Variants in DPYSL3 observed in about 807,000 individuals in gnomAD.
DPYSL3 encodes dihydropyrimidinase-related protein 3.
DPYSL3 carries 16 observed loss-of-function variants against 66.1 expected under a neutral mutation model. The observed-to-expected ratio is 0.24, with a 90% CI of 0.16 to 0.37. The LOEUF (loss-of-function observed/expected upper bound fraction) is 0.37. Among genes scored for constraint, DPYSL3 ranks in the 10% least tolerant of loss-of-function variants. The probability of loss-of-function intolerance (pLI) is 1.00; values close to 1 mark genes in which losing one functional copy is unlikely to be tolerated. For missense variants in DPYSL3, 738 were observed against 916.2 expected (o/e 0.81, Z 2.51); for synonymous variants, 338 against 345.1 (o/e 0.98, Z 0.23).
intron 2 of DPYSL3, among the ~76,000 whole-genome samples, chr5:147,418,898 G>C (rs572699187): frequency 2.2e-3 from 330 of 152,278 alleles, no homozygotes; most frequent in Non-Finnish European, 3.8e-3. Flanking sequence ...GGGTCTGATA[G>C]TGTCTAGAAT....
At chr5:147,500,026 A>G (rs1581220192) in intron 1 of DPYSL3, among the ~76,000 whole-genome samples, 2 of 152,358 alleles carry the variant, frequency 1.3e-5, no homozygotes, top group South Asian at 4.1e-4. Context: ...TGCCATTCAC[A>G]AAAAATAACT....
intron 1 of DPYSL3, among the ~76,000 whole-genome samples, chr5:147,497,630 G>C (rs1050358363): frequency 6.6e-6 from 1 of 151,594 alleles, no homozygotes; most frequent in African/African-American, 2.4e-5. Flanking sequence ...ATCCAAACAG[G>C]CTAAAGAAGA....
At chr5:147,454,863 T>G (rs1412150490) in intron 1 of DPYSL3, among the ~76,000 whole-genome samples, 9 of 152,144 alleles carry the variant, frequency 5.9e-5, no homozygotes, top group African/African-American at 2.2e-4. Flanking sequence ...CCACTGTGGG[T>G]GGGGTCTGAG....
intron 9 of DPYSL3, 106 bp from the exon 10 acceptor site, chr5:147,400,939 G>T: frequency 7.1e-7 from 1 of 1,411,352 alleles, no homozygotes; most frequent in Non-Finnish European, 9.4e-7. Flanking sequence ...GACTATTTGG[G>T]TTTGGAATGC....
chr5:147,428,948 T>A (rs1487599612), intron 1 of DPYSL3, among the ~76,000 whole-genome samples: 2 of 152,202 alleles, frequency 1.3e-5, no homozygotes, highest in East Asian at 3.9e-4. Flanking sequence ...CGTACATGTA[T>A]CCCAGAACTT....
intron 1 of DPYSL3, among the ~76,000 whole-genome samples, chr5:147,455,235 A>C (rs1752825829): frequency 6.6e-6 from 1 of 152,172 alleles, no homozygotes; most frequent in Non-Finnish European, 1.5e-5. Context: ...TAAACCCGAA[A>C]CGAACCAGAC....
chr5:147,415,896 G>A, intron 3 of DPYSL3, 23 bp from the exon 4 acceptor site: 1 of 1,610,956 alleles, frequency 6.2e-7, no homozygotes, highest in Non-Finnish European at 8.5e-7. Context: ...GACCCCAGAT[G>A]AGTCACTCTC....
chr5:147,438,497 G>A (rs1434523785), intron 1 of DPYSL3, among the ~76,000 whole-genome samples: 1 of 152,132 alleles, frequency 6.6e-6, no homozygotes, highest in South Asian at 2.1e-4. Flanking sequence ...GGCACCTCCT[G>A]GAATGTATTC....
chr5:147,450,048 G>A (rs960532607), intron 1 of DPYSL3, among the ~76,000 whole-genome samples: 1 of 152,196 alleles, frequency 6.6e-6, no homozygotes, highest in Non-Finnish European at 1.5e-5. Flanking sequence ...CAATGGTAGA[G>A]AGGCAGAGGC....
intron 1 of DPYSL3, among the ~76,000 whole-genome samples, chr5:147,495,558 T>C (rs1435431529): frequency 6.6e-6 from 1 of 152,134 alleles, no homozygotes; most frequent in East Asian, 1.9e-4. Context: ...AGTCTCAGGA[T>C]ACAAAATCAA....
intron 1 of DPYSL3, among the ~76,000 whole-genome samples, chr5:147,461,981 C>T (rs1029888128): frequency 1.3e-5 from 2 of 152,084 alleles, no homozygotes; most frequent in African/African-American, 2.4e-5. Context: ...TTTGTTTTAT[C>T]CTAAGGGAAT....
intron 8 of DPYSL3, 124 bp from the exon 9 acceptor site, chr5:147,401,820 C>G: frequency 8.5e-7 from 1 of 1,172,036 alleles, no homozygotes; most frequent in Non-Finnish European, 1.2e-6. Context: ...GACCTGGGTT[C>G]AAGTCCATGT....
At chr5:147,506,412 A>C (rs1355565551) in intron 1 of DPYSL3, among the ~76,000 whole-genome samples, 1 of 152,190 alleles carries the variant, frequency 6.6e-6, no homozygotes, top group Admixed American at 6.5e-5. Flanking sequence ...TCATAGATGC[A>C]TATGTTCCGT....
chr5:147,412,485 G>A lies in DPYSL3; in HGVS notation c.963+123C>T, dbSNP rs989695516. The A allele has an allele frequency of 3.2e-6, 3 of 939,980 alleles. No individual in the cohort carries two copies. The African/African-American group carries it at 4.9e-5, about 15-fold the overall frequency. 58.2% of individuals were successfully genotyped at this position (939,980 alleles called of 1,614,324 possible). ...TGTGAGGTACCTTGGAGCAGGTTCT[G>A]TCTTTAGCAAGGTACTTATGATGGT... On this transcript the variant is annotated intron_variant, in intron 6 of 13. Coordinates refer to ENST00000343218, the MANE Select transcript of DPYSL3 (RefSeq NM_001197294.2).
chr5:147,430,129 A>G (rs1157266091), intron 1 of DPYSL3, among the ~76,000 whole-genome samples: 1 of 152,066 alleles, frequency 6.6e-6, no homozygotes, highest in African/African-American at 2.4e-5. Flanking sequence ...GGAAGTAAAA[A>G]GAGAGAGAGA....
chr5:147,495,077 C>T (rs1211147508), intron 1 of DPYSL3, among the ~76,000 whole-genome samples: 2 of 152,014 alleles, frequency 1.3e-5, no homozygotes, highest in Non-Finnish European at 2.9e-5. Context: ...CCTTCCAAAT[C>T]AGAAAATGCC....
At chr5:147,484,883 A>G (rs1445960225) in intron 1 of DPYSL3, among the ~76,000 whole-genome samples, 1 of 152,346 alleles carries the variant, frequency 6.6e-6, no homozygotes, top group South Asian at 2.1e-4. Context: ...GTCAGCATCC[A>G]TTAATAGTTT....
chr5:147,407,542 A>G (rs1751728942), intron 7 of DPYSL3, among the ~76,000 whole-genome samples: 1 of 152,206 alleles, frequency 6.6e-6, no homozygotes, highest in African/African-American at 2.4e-5. Flanking sequence ...CACGATGAGT[A>G]AACCATTTTC....
rs188474280 is a variant in DPYSL3, at chr5:147,421,599, A to G, written c.471-2968T>C. Among the ~76,000 whole-genome samples the G allele has an allele frequency of 2.3e-4, 35 of 152,338 alleles. No homozygotes were observed. The East Asian group carries it at 5.4e-3, about 23-fold the overall frequency. Reference sequence around the variant, plus strand: ...AAAGCTGGAGGCATCATACTACCTGACTTCAAACTACACTATAATTTCACA... The same window carrying G: ...AAAGCTGGAGGCATCATACTACCTGGCTTCAAACTACACTATAATTTCACA... On this transcript the variant is annotated intron_variant, in intron 2 of 13. Coordinates refer to ENST00000343218, the MANE Select transcript of DPYSL3 (RefSeq NM_001197294.2).
Sources: gnomAD v4.1 joint callset for allele counts (sites outside exome capture counted in the v4.1 genomes callset) on GRCh38, gnomAD v4.1.1 for gene constraint, MANE v1.5 for transcripts, NCBI Gene and HGNC (gene_info 2026-07-23, HGNC 2026-07-21) for gene names.